The following DTL variants were observed in gnomAD, a reference collection of about 807,000 sequenced individuals.
The protein encoded by DTL is denticleless protein homolog.
A neutral mutation model predicts 87.0 loss-of-function variants in DTL; 46 were observed. The observed-to-expected ratio is 0.53, with a 90% confidence interval of 0.42 to 0.68. The LOEUF is 0.68. DTL is among the 30% of genes least tolerant of loss of function. The pLI, the probability that DTL is intolerant of heterozygous loss-of-function variation, is 0.00. For missense variants in DTL, 737 were observed against 869.4 expected (o/e 0.85, Z 1.91); for synonymous variants, 308 against 311.2 (o/e 0.99, Z 0.11).
At chr1:212,044,020 C>T (rs1488763382) in intron 2 of DTL, among the ~76,000 whole-genome samples, 4 of 151,886 alleles carry the variant, frequency 2.6e-5, no homozygotes, top group Admixed American at 6.6e-5. Context: ...ACCTGGGAGG[C>T]GGAAGTTGCA....
In DTL at chr1:212,049,114, G is replaced by C. The variant is rs111261807; in HGVS notation, c.460+1697G>C. On this transcript the variant is annotated intron_variant, in intron 5 of 14. Transcript: ENST00000366991. ...ATTTTTGTATTTTTAGTAGAGACAG[G>C]GTTTCGCCATGTCGGCCAGGTTGGT... Among the ~76,000 whole-genome samples the C allele has an allele frequency of 1.1e-4, 16 of 152,226 alleles. 1 individual carries two copies. The highest frequency in any genetic ancestry group is 3.9e-4 in the African/African-American group (16 of 41,548).
chr1:212,044,612 A>G (rs767745013), intron 2 of DTL, 48 bp from the exon 3 acceptor site: 1 of 1,289,524 alleles, frequency 7.8e-7, no homozygotes, highest in Admixed American at 2.1e-5. Context: ...GAAAAAAAAA[A>G]AAAAAATTGT....
chr1:212,070,532 C>T (rs1450566453), intron 10 of DTL, among the ~76,000 whole-genome samples: 1 of 151,698 alleles, frequency 6.6e-6, no homozygotes, highest in African/African-American at 2.4e-5. Context: ...ATTGTTTGAG[C>T]CTGGGAGGTT....
intron 5 of DTL, among the ~76,000 whole-genome samples, chr1:212,054,830 T>G (rs1179653971): frequency 6.8e-6 from 1 of 146,548 alleles, no homozygotes; most frequent in Admixed American, 6.8e-5. Context: ...AAGTGGTAAC[T>G]TAAAGGGAGG....
chr1:212,055,766 A>G (rs1668154645), intron 5 of DTL, among the ~76,000 whole-genome samples: 1 of 152,170 alleles, frequency 6.6e-6, no homozygotes, highest in Non-Finnish European at 1.5e-5. Flanking sequence ...CCTGCCTTCC[A>G]TAGCCAGCAC....
At chr1:212,066,438 A>G (rs562942501) in intron 7 of DTL, among the ~76,000 whole-genome samples, 3 of 152,326 alleles carry the variant, frequency 2.0e-5, no homozygotes, top group African/African-American at 4.8e-5. Flanking sequence ...TGATACTCCT[A>G]TATGATAATC....
chr1:212,085,269 A>T (rs1655099953), intron 13 of DTL, among the ~76,000 whole-genome samples: 2 of 152,184 alleles, frequency 1.3e-5, no homozygotes, highest in South Asian at 4.1e-4. Context: ...AACACCTAAA[A>T]TGAGGGTTCC....
At chr1:212,051,442 CTTTTTTTTTTTTTTT>C (rs958429363) in intron 5 of DTL, 48 of 197,170 alleles carry the variant, frequency 2.4e-4, no homozygotes, top group African/African-American at 2.2e-3. Context: ...ATATGAAATT[CTTTTTTTTTTTTTTT>C]TTTTTTTTTT....
chr1:212,089,085 C>CA (rs770638769), intron 13 of DTL, among the ~76,000 whole-genome samples: 11 of 152,122 alleles, frequency 7.2e-5, no homozygotes, highest in African/African-American at 1.9e-4. Flanking sequence ...GACTCCGTCT[C>CA]AAAAAACAAA....
At chr1:212,082,752 G>A (rs1655022934) in intron 13 of DTL, among the ~76,000 whole-genome samples, 1 of 152,106 alleles carries the variant, frequency 6.6e-6, no homozygotes, top group Non-Finnish European at 1.5e-5. Context: ...AAGGGAGAAA[G>A]GGAGTAGAGA....
chr1:212,067,615 A>C (rs556715903), intron 8 of DTL, among the ~76,000 whole-genome samples: 6 of 152,268 alleles, frequency 3.9e-5, no homozygotes, highest in African/African-American at 1.4e-4. Flanking sequence ...CTCAGGCAGG[A>C]ATGAAGGATT....
chr1:212,063,046 G>A (rs1654379901), intron 6 of DTL, 97 bp downstream of exon 6: 9 of 888,800 alleles, frequency 1.0e-5, no homozygotes, highest in African/African-American at 1.7e-5. Context: ...ACCACCAGGG[G>A]GCATGTACTC....
chr1:212,064,904 G>T lies in DTL; in HGVS notation c.527-13G>T, dbSNP rs201151313. 210 of 1,602,376 alleles carry T rather than the reference G, an allele frequency of 1.3e-4. No individual in the cohort carries two copies. The Middle Eastern group carries it at 5.6e-3, about 43-fold the overall frequency. ...GAATCCTGAAACCTAAATTTCCTTGGAATATCTTTCAGATGGGTTTTATAG... is the reference window on the plus strand; with the variant it reads ...GAATCCTGAAACCTAAATTTCCTTGTAATATCTTTCAGATGGGTTTTATAG... On this transcript the variant is annotated splice_polypyrimidine_tract_variant and intron_variant, in intron 6 of 14. Coordinates refer to ENST00000366991, the MANE Select transcript of DTL (RefSeq NM_016448.4).
At position 212,104,149 on chromosome 1, in the gene DTL, T is replaced by C. The variant is rs1351787552; in HGVS notation, c.*1209T>C. The C allele has an allele frequency of 1.3e-5, 2 of 152,218 alleles. No individual in the cohort carries two copies. The highest frequency in any genetic ancestry group is 4.8e-5 in the African/African-American group (2 of 41,458). The allele number at this position is 152,218 out of a possible 1,614,324, so 9.4% of individuals were successfully genotyped here. ...TATATTTTTCACCTTTGTAACCTCA[T>C]GGAAAGAGGCTTTACATACTTTCTA... On this transcript the variant is annotated 3_prime_UTR_variant, in exon 15 of 15. Coordinates refer to ENST00000366991, the MANE Select transcript of DTL (RefSeq NM_016448.4).
rs934879731 is a variant in DTL, at chr1:212,065,318, ATGT to A, written c.639+293_639+295del. ...AGAATTAGATTGAATTAAACATAAG[ATGT>A]TGTCTCATGCCATTAAGCAGAAAGT... On this transcript the variant is annotated intron_variant, in intron 7 of 14. Transcript: ENST00000366991. 4.6e-5 allele frequency among the ~76,000 whole-genome samples: 7 copies of A among 152,232 alleles called. 1 individual carries two copies. Among genetic ancestry groups the A allele is most frequent in the Admixed American group, 1.3e-4 (2 of 15,296 alleles).
At position 212,100,428 on chromosome 1, in the gene DTL, A is replaced by G. The variant is rs768377345; in HGVS notation, c.1438A>G (p.Ile480Val). The change falls in exon 14 of 15, where the codon ATC (isoleucine) becomes GTC (valine). Residue 480 changes from isoleucine to valine, a missense_variant. Coordinates refer to ENST00000366991, the MANE Select transcript of DTL (RefSeq NM_016448.4). ...CTCTCCTGCCAAGGCCCGGTCTCCC[A>G]TCAACAGAAGAGGCTCTGTCTCCTC... The part of the protein sequence containing the change: ...KTSPAKARSP[I>V]NRRGSVSSVS... The G allele has an allele frequency of 2.5e-6, 4 of 1,613,830 alleles. No individual in the cohort carries two copies. Among genetic ancestry groups the G allele is most frequent in the South Asian group, 1.1e-5 (1 of 91,056 alleles).
At chr1:212,087,423 G>C (rs113752407) in intron 13 of DTL, among the ~76,000 whole-genome samples, 10,863 of 152,054 alleles carry the variant, frequency 0.071, 644 homozygotes, top group African/African-American at 0.16. Flanking sequence ...GGTGGCACAC[G>C]CCTGTAGTCC....
At position 212,035,770 on chromosome 1, in the gene DTL, C is replaced by T. The variant is rs1667421911; in HGVS notation, c.-121C>T. On this transcript the variant is annotated 5_prime_UTR_variant, in exon 1 of 15. Coordinates refer to ENST00000366991, the MANE Select transcript of DTL (RefSeq NM_016448.4). The stretch of plus-strand genomic sequence containing the variant: ...CGCGGAGTTTGGCGGCCGGGGCTTA[C>T]AGTGGCGGGAGTTGGAGGCGATAAC... The T allele has an allele frequency of 3.2e-6, 3 of 940,302 alleles. No individual in the cohort carries two copies. Among genetic ancestry groups the T allele is most frequent in the East Asian group, 2.7e-5 (1 of 37,690 alleles). The allele number at this position is 940,302 out of a possible 1,614,324, so 58.2% of individuals were successfully genotyped here.
At chr1:212,084,086 A>G (rs1254311758) in intron 13 of DTL, among the ~76,000 whole-genome samples, 1 of 152,220 alleles carries the variant, frequency 6.6e-6, no homozygotes, top group African/African-American at 2.4e-5. Flanking sequence ...TTAGTTGCTT[A>G]TAAGATGCAG....
Sources: gnomAD v4.1 joint callset for allele counts (sites outside exome capture counted in the v4.1 genomes callset) on GRCh38, gnomAD v4.1.1 for gene constraint, MANE v1.5 for transcripts, NCBI Gene and HGNC (gene_info 2026-07-23, HGNC 2026-07-21) for gene names.